BMPER: variants seen among roughly 807,000 people sequenced by gnomAD.
The protein encoded by BMPER is BMP binding endothelial regulator.
A neutral mutation model predicts 87.3 loss-of-function variants in BMPER; 45 were observed. The observed-to-expected ratio is 0.52, with a 90% confidence interval of 0.41 to 0.66. The LOEUF (loss-of-function observed/expected upper bound fraction) is 0.66. Among genes scored for constraint, BMPER ranks in the 30% least tolerant of loss-of-function variants. BMPER has a pLI of 0.00. For missense variants in BMPER, 784 were observed against 867.5 expected, an observed-to-expected ratio of 0.90 and a Z score of 1.21; for synonymous variants, 326 against 316.2, an observed-to-expected ratio of 1.03 and a Z score of -0.33.
intron 10 of BMPER, 113 bp downstream of exon 10, chr7:34,058,276 C>T: frequency 1.0e-6 from 1 of 998,480 alleles, no homozygotes; most frequent in South Asian, 1.4e-5. Context: ...AAAGCCTCTA[C>T]ATTCCTGACT....
chr7:34,034,914 A>C (rs1332966936), intron 6 of BMPER, among the ~76,000 whole-genome samples: 1 of 151,764 alleles, frequency 6.6e-6, no homozygotes, highest in African/African-American at 2.4e-5. Context: ...CGATGAGTGA[A>C]CCTCTCCCTT....
At chr7:34,069,489 A>G (rs1788683129) in intron 11 of BMPER, among the ~76,000 whole-genome samples, 1 of 152,198 alleles carries the variant, frequency 6.6e-6, no homozygotes, top group Non-Finnish European at 1.5e-5. Flanking sequence ...TTGCCATTTA[A>G]TCCTTACCAT....
chr7:34,106,916 C>A (rs1477951423), intron 13 of BMPER, among the ~76,000 whole-genome samples: 1 of 152,200 alleles, frequency 6.6e-6, no homozygotes, highest in African/African-American at 2.4e-5. Flanking sequence ...CTTTCCATAT[C>A]TAGCTCAATT....
chr7:34,142,028 G>C (rs930412934), intron 13 of BMPER, among the ~76,000 whole-genome samples: 2 of 152,176 alleles, frequency 1.3e-5, no homozygotes, highest in Non-Finnish European at 2.9e-5. Context: ...TTTCAAGATC[G>C]TAAGTGCAGC....
chr7:33,928,656 A>AT (rs1784415024), intron 2 of BMPER, among the ~76,000 whole-genome samples: 1 of 151,428 alleles, frequency 6.6e-6, no homozygotes, highest in Non-Finnish European at 1.5e-5. Context: ...AAAAAAAAAA[A>AT]AAAAGCCAGA....
chr7:33,987,412 C>T (rs1369360728), intron 6 of BMPER, among the ~76,000 whole-genome samples: 2 of 152,192 alleles, frequency 1.3e-5, no homozygotes, highest in African/African-American at 4.8e-5. Context: ...AGTACTTCCT[C>T]TGCACCATCC....
intron 6 of BMPER, among the ~76,000 whole-genome samples, chr7:34,032,895 A>G (rs953711086): frequency 2.6e-5 from 4 of 152,170 alleles, no homozygotes; most frequent in African/African-American, 9.7e-5. Flanking sequence ...TTTCACAGTT[A>G]GAGGCTGAGA....
intron 6 of BMPER, among the ~76,000 whole-genome samples, chr7:33,978,646 A>C (rs1785757685): frequency 6.6e-6 from 1 of 152,200 alleles, no homozygotes; most frequent in South Asian, 2.1e-4. Context: ...GAAGAAACAC[A>C]AAAACGGATA....
chr7:34,004,088 C>A (rs1304725416), intron 6 of BMPER, among the ~76,000 whole-genome samples: 3 of 152,068 alleles, frequency 2.0e-5, no homozygotes, highest in Non-Finnish European at 4.4e-5. Flanking sequence ...TTTTTCTCCA[C>A]TCTTTTTCCT....
upstream of BMPER, chr7:33,904,948 C>T (rs962112735): frequency 1.3e-5 from 2 of 153,032 alleles, no homozygotes; most frequent in Non-Finnish European, 2.9e-5. The surrounding 1 kb of genome is among the most constrained non-coding windows in gnomAD (Gnocchi z 5.4). Context: ...CTGGTCCGCG[C>T]CCTGGGGCCC....
At chr7:34,141,461 A>C (rs1050108245) in intron 13 of BMPER, among the ~76,000 whole-genome samples, 1 of 151,994 alleles carries the variant, frequency 6.6e-6, no homozygotes, top group Non-Finnish European at 1.5e-5. Flanking sequence ...AATACAAAAA[A>C]TTAGCCTGGC....
chr7:34,028,729 CA>C (rs1175439708), intron 6 of BMPER, among the ~76,000 whole-genome samples: 2 of 145,356 alleles, frequency 1.4e-5, no homozygotes, highest in Non-Finnish European at 3.0e-5. Context: ...TCCAGATATG[CA>C]CATTGTGTAC....
chr7:34,119,014 T>TCTCTCTCACACA (rs66493349), intron 13 of BMPER, among the ~76,000 whole-genome samples: 1 of 135,712 alleles, frequency 7.4e-6, no homozygotes, highest in African/African-American at 2.6e-5. Context: ...TCTCTCTCTC[T>TCTCTCTCACACA]CACACACACA....
At chr7:33,992,034 C>G (rs1262450046) in intron 6 of BMPER, among the ~76,000 whole-genome samples, 5 of 151,262 alleles carry the variant, frequency 3.3e-5, no homozygotes, top group African/African-American at 7.3e-5. Context: ...GCTTTACTTC[C>G]CAGTATGTGG....
intron 2 of BMPER, among the ~76,000 whole-genome samples, chr7:33,922,235 C>T (rs1036026606): frequency 6.6e-6 from 1 of 152,106 alleles, no homozygotes; most frequent in African/African-American, 2.4e-5. Flanking sequence ...TTCCATTGTT[C>T]CAGGGATTCA....
intron 6 of BMPER, among the ~76,000 whole-genome samples, chr7:34,036,053 C>G (rs114604878): frequency 6.6e-6 from 1 of 152,102 alleles, no homozygotes; most frequent in Admixed American, 6.6e-5. Flanking sequence ...AAAAAATGCC[C>G]TTTCTCCTGC....
chr7:34,030,893 G>A (rs770806738), intron 6 of BMPER, among the ~76,000 whole-genome samples: 4 of 152,042 alleles, frequency 2.6e-5, no homozygotes, highest in African/African-American at 9.7e-5. Context: ...CTGAGACACT[G>A]TGCCTCCCTA....
intron 3 of BMPER, among the ~76,000 whole-genome samples, chr7:33,966,073 T>TATCA (rs1296513924): frequency 6.6e-6 from 1 of 152,240 alleles, no homozygotes; most frequent in Non-Finnish European, 1.5e-5. Flanking sequence ...TTTTATTTTC[T>TATCA]ATCATGTTTT....
intron 11 of BMPER, among the ~76,000 whole-genome samples, chr7:34,062,869 A>G (rs1788476381): frequency 6.6e-6 from 1 of 152,178 alleles, no homozygotes; most frequent in Non-Finnish European, 1.5e-5. Context: ...GTGGTCCATC[A>G]TTGACCAAAA....
Sources: allele counts gnomAD v4.1 joint callset (sites outside exome capture counted in the v4.1 genomes callset), GRCh38; gene constraint gnomAD v4.1.1; non-coding constraint Gnocchi (gnomAD v3.1); transcripts MANE v1.5; gene names NCBI Gene and HGNC (gene_info 2026-07-23, HGNC 2026-07-21).